ANKMY2: variants seen among roughly 807,000 people sequenced by gnomAD.
ANKMY2 encodes ankyrin repeat and MYND domain containing 2, also known as ankyrin repeat and MYND domain-containing protein 2.
A neutral mutation model predicts 50.4 loss-of-function variants in ANKMY2; 36 were observed. The observed-to-expected ratio is 0.71, with a 90% CI of 0.55 to 0.94. The LOEUF (loss-of-function observed/expected upper bound fraction) is 0.94. ANKMY2 is among the 40% of genes least tolerant of loss of function. ANKMY2 has a pLI of 0.00. For synonymous variants in ANKMY2, 187 were observed against 178.8 expected, an observed-to-expected ratio of 1.05 and a Z score of -0.36; for missense variants, 565 against 524.0, an observed-to-expected ratio of 1.08 and a Z score of -0.76.
At chr7:16,602,320 A>G in intron 9 of ANKMY2, 60 bp downstream of exon 9, 1 of 1,577,050 alleles carries the variant, frequency 6.3e-7, no homozygotes, top group Non-Finnish European at 8.6e-7. Context: ...GTGTGTTAAG[A>G]TCACCTATCA....
chr7:16,607,499 C>T (rs1241763164), intron 7 of ANKMY2, among the ~76,000 whole-genome samples: 2 of 151,980 alleles, frequency 1.3e-5, no homozygotes, highest in East Asian at 3.9e-4. Context: ...ACCCGGAAGA[C>T]TGAGGTTGTA....
At chr7:16,610,944 C>A (rs1463030544) in intron 5 of ANKMY2, among the ~76,000 whole-genome samples, 181 bp from the exon 6 acceptor site, 4 of 152,154 alleles carry the variant, frequency 2.6e-5, no homozygotes, top group Non-Finnish European at 1.5e-5. Context: ...TATAGAAAGA[C>A]CCTGAAATAG....
At chr7:16,628,384 A>G (rs1781535170) in intron 2 of ANKMY2, among the ~76,000 whole-genome samples, 1 of 152,160 alleles carries the variant, frequency 6.6e-6, no homozygotes, top group African/African-American at 2.4e-5. Flanking sequence ...TTTCAGTTGC[A>G]CAAGAGGCAA....
chr7:16,605,468 A>T (rs949104479), intron 7 of ANKMY2, among the ~76,000 whole-genome samples: 7 of 152,110 alleles, frequency 4.6e-5, no homozygotes, highest in Admixed American at 1.3e-4. Context: ...GGCAATGGAA[A>T]ATTAAAATAG....
At position 16,600,948 on chromosome 7, in the gene ANKMY2, G is replaced by C; in HGVS notation, c.1142-3C>G. 1 of 1,569,322 alleles carries C rather than the reference G, an allele frequency of 6.4e-7. No homozygotes were observed. Among genetic ancestry groups the C allele is most frequent in the Non-Finnish European group, 8.6e-7 (1 of 1,157,214 alleles). Reference sequence around the variant, plus strand: ...AGAATTGACATCAAGTTTGCCGTCTGATTAAAAAAAGAAGAAGTTATTTTG... The same window carrying C: ...AGAATTGACATCAAGTTTGCCGTCTCATTAAAAAAAGAAGAAGTTATTTTG... On this transcript the variant is annotated splice_region_variant and splice_polypyrimidine_tract_variant and intron_variant, in intron 9 of 9. Coordinates refer to ENST00000306999, the MANE Select transcript of ANKMY2 (RefSeq NM_020319.3).
At chr7:16,628,093 C>T (rs1781530022) in intron 2 of ANKMY2, among the ~76,000 whole-genome samples, 1 of 152,158 alleles carries the variant, frequency 6.6e-6, no homozygotes, top group Admixed American at 6.5e-5. Context: ...CTAGGCACTA[C>T]TATTATTTGG....
intron 4 of ANKMY2, among the ~76,000 whole-genome samples, chr7:16,623,500 A>G (rs1311118381): frequency 1.3e-5 from 2 of 152,156 alleles, no homozygotes; most frequent in African/African-American, 4.8e-5. Flanking sequence ...ATTTTGTTAC[A>G]TTGTGGATAT....
At chr7:16,620,448 A>C (rs2128343890) in intron 4 of ANKMY2, among the ~76,000 whole-genome samples, 1 of 152,360 alleles carries the variant, frequency 6.6e-6, no homozygotes, top group African/African-American at 2.4e-5. Context: ...TGACAAGGCA[A>C]AAACAGAGAA....
chr7:16,615,485 G>A (rs189952301), intron 5 of ANKMY2, among the ~76,000 whole-genome samples: 75 of 152,278 alleles, frequency 4.9e-4, no homozygotes, highest in African/African-American at 1.7e-3. Flanking sequence ...CCGGTGGGAT[G>A]AGGTGGAAGC....
intron 7 of ANKMY2, 70 bp downstream of exon 7, chr7:16,609,560 G>A: frequency 6.9e-7 from 1 of 1,445,708 alleles, no homozygotes; most frequent in South Asian, 1.4e-5. Context: ...AAGAGAACTT[G>A]CCTTTAACAA....
At chr7:16,604,030 G>C (rs1314648957) in intron 8 of ANKMY2, among the ~76,000 whole-genome samples, 1 of 152,228 alleles carries the variant, frequency 6.6e-6, no homozygotes, top group African/African-American at 2.4e-5. Context: ...GTTCAGAGAA[G>C]TAAGTCATTA....
At chr7:16,640,025 G>A (rs1781724088) in intron 1 of ANKMY2, among the ~76,000 whole-genome samples, 1 of 151,962 alleles carries the variant, frequency 6.6e-6, no homozygotes. Flanking sequence ...AATTAGCCAG[G>A]TGTAGTGGTG....
intron 7 of ANKMY2, among the ~76,000 whole-genome samples, chr7:16,606,926 G>C (rs368745327): frequency 1.7e-4 from 26 of 152,328 alleles, no homozygotes; most frequent in African/African-American, 6.3e-4. Context: ...CAGCAGCAGA[G>C]GGAACCAAAA....
At chr7:16,627,295 T>A (rs1781520124) in intron 2 of ANKMY2, 117 bp from the exon 3 acceptor site, 2 of 581,316 alleles carry the variant, frequency 3.4e-6, no homozygotes, top group South Asian at 6.9e-5. Context: ...ATGGTCATTA[T>A]AATATGTATT....
chr7:16,605,869 G>C (rs1016728005), intron 7 of ANKMY2, among the ~76,000 whole-genome samples: 1 of 151,576 alleles, frequency 6.6e-6, no homozygotes, highest in African/African-American at 2.4e-5. Flanking sequence ...ATTTTTAGTA[G>C]AGATGGGGTT....
chr7:16,621,148 T>C (rs1423142754), intron 4 of ANKMY2, among the ~76,000 whole-genome samples: 2 of 152,224 alleles, frequency 1.3e-5, no homozygotes, highest in Non-Finnish European at 2.9e-5. Flanking sequence ...TCAATAGCTT[T>C]TCTCTTTATT....
At chr7:16,617,824 G>A (rs1420623929) in intron 4 of ANKMY2, among the ~76,000 whole-genome samples, 2 of 151,672 alleles carry the variant, frequency 1.3e-5, no homozygotes, top group Non-Finnish European at 1.5e-5. Context: ...AAAATTAGCT[G>A]GATACAGTGG....
At chr7:16,602,740 G>A (rs924533400) in intron 8 of ANKMY2, among the ~76,000 whole-genome samples, 6 of 152,118 alleles carry the variant, frequency 3.9e-5, no homozygotes, top group East Asian at 3.9e-4. Flanking sequence ...TCATGGGGGC[G>A]GTTTTCTCAT....
rs559978473 is a variant in ANKMY2 at position 16,637,289 on chromosome 7, A to C, written c.68-834T>G. Reference sequence around the variant, plus strand: ...AAAAGAATAGGTAAGTCTCCCAATCAGGTTATTTCCTCTCTTTAAATTTAG... The same window carrying C: ...AAAAGAATAGGTAAGTCTCCCAATCCGGTTATTTCCTCTCTTTAAATTTAG... On this transcript the variant is annotated intron_variant, in intron 1 of 9. Transcript: ENST00000306999. Among the ~76,000 whole-genome samples, 6 of 152,358 alleles carry C rather than the reference A, an allele frequency of 3.9e-5. No homozygotes were observed. In the East Asian group the frequency reaches 7.7e-4, roughly 20 times the overall value.
Sources: allele counts gnomAD v4.1 joint callset (sites outside exome capture counted in the v4.1 genomes callset), GRCh38; gene constraint gnomAD v4.1.1; transcripts MANE v1.5; gene names NCBI Gene and HGNC (gene_info 2026-07-23, HGNC 2026-07-21).